Variants in ARL5A observed in about 807,000 individuals in gnomAD.
The protein encoded by ARL5A is ARF like GTPase 5A.
In ARL5A, 18 loss-of-function variants were observed where a neutral mutation model predicts 25.9. The ratio of observed to expected loss-of-function variants is 0.69; its 90% CI spans 0.48 to 1.03. The LOEUF (loss-of-function observed/expected upper bound fraction) is 1.03. ARL5A is among the 50% of genes least tolerant of loss of function. ARL5A has a pLI of 0.00. For synonymous variants in ARL5A, 61 were observed against 67.5 expected, an observed-to-expected ratio of 0.90 and a Z score of 0.47; for missense variants, 170 against 211.9, an observed-to-expected ratio of 0.80 and a Z score of 1.23.
chr2:151,812,316 T>C (rs1238000784), intron 4 of ARL5A, 41 bp downstream of exon 4: 3 of 1,374,132 alleles, frequency 2.2e-6, no homozygotes, highest in Non-Finnish European at 2.0e-6. Context: ...TCGATTCCCA[T>C]ACCCTTCCCC....
chr2:151,821,717 C>T (rs2099832332), intron 1 of ARL5A, among the ~76,000 whole-genome samples: 1 of 151,548 alleles, frequency 6.6e-6, no homozygotes, highest in East Asian at 1.9e-4. Context: ...CGATTCTCCT[C>T]CTGCCTCAGC....
chr2:151,809,655 C>T (rs935637712), intron 4 of ARL5A, among the ~76,000 whole-genome samples: 1 of 152,186 alleles, frequency 6.6e-6, no homozygotes, highest in East Asian at 1.9e-4. Flanking sequence ...ATTTCAAACA[C>T]TTTAAAACCA....
intron 5 of ARL5A, among the ~76,000 whole-genome samples, chr2:151,804,173 T>C (rs1001230467): frequency 2.6e-4 from 40 of 152,192 alleles, no homozygotes; most frequent in Non-Finnish European, 7.4e-5. Context: ...GTTACATAAA[T>C]ATTATAAAAT....
chr2:151,804,184 G>GT (rs1022289295), intron 5 of ARL5A, among the ~76,000 whole-genome samples: 1 of 152,110 alleles, frequency 6.6e-6, no homozygotes, highest in Admixed American at 6.5e-5. Flanking sequence ...ATTATAAAAT[G>GT]TAAGTATGTA....
At position 151,801,221 on chromosome 2, in the gene ARL5A, A is replaced by G. The variant is rs1281007178; in HGVS notation, c.*2055T>C. 1 of 152,594 alleles carries G rather than the reference A, an allele frequency of 6.6e-6. No homozygotes were observed. Among genetic ancestry groups the G allele is most frequent in the African/African-American group, 2.4e-5 (1 of 41,470 alleles). The allele number at this position is 152,594 out of a possible 1,614,324, so 9.5% of individuals were successfully genotyped here. On this transcript the variant is annotated 3_prime_UTR_variant, in exon 6 of 6. Transcript: ENST00000295087. The stretch of plus-strand genomic sequence containing the variant: ...TGTCAATAATCCACTACACTAAACC[A>G]ACTGTAACAAGGTAGTACATGCTTT...
At chr2:151,818,402 C>T (rs2099831812) in intron 1 of ARL5A, among the ~76,000 whole-genome samples, 1 of 152,204 alleles carries the variant, frequency 6.6e-6, no homozygotes, top group East Asian at 1.9e-4. Flanking sequence ...CCTCACCCTC[C>T]TGAGTAGCTG....
chr2:151,820,660 CAAAAAAAAAAAA>C (rs71410438), intron 1 of ARL5A, among the ~76,000 whole-genome samples: 5 of 45,080 alleles, frequency 1.1e-4, no homozygotes, highest in South Asian at 1.5e-3. Flanking sequence ...ATCCTGTCTC[CAAAAAAAAAAAA>C]AAAAAAAAAA....
intron 2 of ARL5A, 23 bp from the exon 3 acceptor site, chr2:151,814,339 AT>A (rs775151409): frequency 6.9e-7 from 1 of 1,458,006 alleles, no homozygotes; most frequent in South Asian, 1.5e-5. Context: ...GTTTATATAC[AT>A]TACAATTAGC....
chr2:151,810,570 A>T (rs1051356879), intron 4 of ARL5A: 1 of 445,808 alleles, frequency 2.2e-6, no homozygotes, highest in Non-Finnish European at 4.5e-6. Flanking sequence ...TTCTGCTAAT[A>T]AAGAGTCTGA....
intron 4 of ARL5A, among the ~76,000 whole-genome samples, chr2:151,808,583 A>G (rs956130164): frequency 6.6e-6 from 1 of 152,212 alleles, no homozygotes; most frequent in African/African-American, 2.4e-5. Flanking sequence ...GAATACTGCT[A>G]CAATGTTTGC....
chr2:151,818,441 G>A (rs1265250387), intron 1 of ARL5A, among the ~76,000 whole-genome samples: 1 of 152,094 alleles, frequency 6.6e-6, no homozygotes, highest in East Asian at 1.9e-4. Flanking sequence ...ACCACGCCTG[G>A]ATATTTTGTT....
At position 151,815,311 on chromosome 2, in the gene ARL5A, G is replaced by A. The variant is rs115224977; in HGVS notation, c.47-112C>T. On this transcript the variant is annotated intron_variant, in intron 1 of 5. Transcript: ENST00000295087. ...CCTTCTATCTATGGCATAATTCAGT[G>A]CATGGCACTTTATACTTTCTCAGAA... The A allele has an allele frequency of 1.4e-3, 1,093 of 805,620 alleles. 8 individuals carry two copies. In the African/African-American group the frequency reaches 0.017, roughly 13 times the overall value. The allele number at this position is 805,620 out of a possible 1,614,324, so 49.9% of individuals were successfully genotyped here. A position where few individuals can be genotyped will look rare whatever the true frequency, so the allele number is the denominator to read the frequency against.
At chr2:151,812,667 A>AAT (rs917642128) in intron 3 of ARL5A, among the ~76,000 whole-genome samples, 50 of 152,266 alleles carry the variant, frequency 3.3e-4, no homozygotes, top group Middle Eastern at 3.4e-3. Flanking sequence ...CATTCTAACT[A>AAT]ATATATATAA....
intron 1 of ARL5A, among the ~76,000 whole-genome samples, chr2:151,825,728 A>C (rs2151298440): frequency 6.6e-6 from 1 of 151,994 alleles, no homozygotes; most frequent in African/African-American, 2.4e-5. Flanking sequence ...ACTTTCCAAG[A>C]GTTTCTATGA....
In ARL5A at chr2:151,801,137, GAAAAC is replaced by G. The variant is rs1312594120; in HGVS notation, c.*2134_*2138del. Reference sequence around the variant, plus strand: ...TTTTTAATGTTTACCTTGAAGGGTAGAAAACAAAATCATGTTTTATAAATGTGGTA... The same window carrying G: ...TTTTTAATGTTTACCTTGAAGGGTAGAAAATCATGTTTTATAAATGTGGTA... On this transcript the variant is annotated 3_prime_UTR_variant, in exon 6 of 6. Coordinates refer to ENST00000295087, the MANE Select transcript of ARL5A (RefSeq NM_012097.4). The G allele has an allele frequency of 2.6e-5, 4 of 152,526 alleles. No homozygotes were observed. Among genetic ancestry groups the G allele is most frequent in the Admixed American group, 6.6e-5 (1 of 15,260 alleles). 9.4% of individuals were successfully genotyped at this position (152,526 alleles called of 1,614,324 possible).
chr2:151,806,248 T>C (rs2099830093), intron 5 of ARL5A, among the ~76,000 whole-genome samples: 1 of 152,156 alleles, frequency 6.6e-6, no homozygotes, highest in African/African-American at 2.4e-5. Context: ...CCAACATCTA[T>C]CATTCCAGAA....
At position 151,828,082 on chromosome 2, in the gene ARL5A, C is replaced by G. The variant is rs749570780; in HGVS notation, c.46+49G>C. ...TTCGGAGACCCCCACCTAGCCGGCC[C>G]GAGCTGACCCTCTCCCCAACCCGTA... On this transcript the variant is annotated intron_variant, in intron 1 of 5. Transcript: ENST00000295087. 5 of 1,592,070 alleles carry G rather than the reference C, an allele frequency of 3.1e-6. No individual in the cohort carries two copies. In the African/African-American group the frequency reaches 5.5e-5, roughly 17 times the overall value.
Position 151,803,337 on chromosome 2 carries a change from C to CA in ARL5A, c.492-14dup. On this transcript the variant is annotated splice_polypyrimidine_tract_variant and intron_variant, in intron 5 of 5. Transcript: ENST00000295087. ...TCCTTGGCACAATCTATAAAGAAAA[C>CA]AAAATCATTTGATTAAATTCTGAAC... 6.2e-7 allele frequency: 1 copy of CA among 1,607,126 alleles called. No homozygotes were observed.
chr2:151,807,984 TCTAC>T (rs1216150104), intron 4 of ARL5A, among the ~76,000 whole-genome samples: 1 of 152,162 alleles, frequency 6.6e-6, no homozygotes, highest in Non-Finnish European at 1.5e-5. Context: ...CCCACTCCTC[TCTAC>T]CTGCCAGTTT....
Sources: gnomAD v4.1 joint callset for allele counts (sites outside exome capture counted in the v4.1 genomes callset) on GRCh38, gnomAD v4.1.1 for gene constraint, MANE v1.5 for transcripts, NCBI Gene and HGNC (gene_info 2026-07-23, HGNC 2026-07-21) for gene names.